SCRN1: variants seen among roughly 807,000 people sequenced by gnomAD.
The protein encoded by SCRN1 is secernin-1.
Under a neutral mutation model 43.3 loss-of-function variants are expected in SCRN1, and 19 were observed. The observed-to-expected ratio is 0.44, with a 90% CI of 0.31 to 0.64. The LOEUF (loss-of-function observed/expected upper bound fraction) is 0.64, where lower values mean the gene tolerates loss of function less well. SCRN1 is among the 30% of genes least tolerant of loss of function. The pLI is 0.09. For synonymous variants in SCRN1, 183 were observed against 188.9 expected (o/e 0.97, Z 0.26); for missense variants, 447 against 524.1 (o/e 0.85, Z 1.44).
intron 6 of SCRN1, among the ~76,000 whole-genome samples, 158 bp from the exon 7 acceptor site, chr7:29,926,790 T>A (rs1786977130): frequency 1.3e-5 from 2 of 152,156 alleles, no homozygotes; most frequent in African/African-American, 4.8e-5. Flanking sequence ...GAGACATAAC[T>A]GCATGTTTTA....
At position 29,944,050 on chromosome 7, in the gene SCRN1, A is replaced by G; in HGVS notation, c.471T>C (p.Tyr157=). 6.2e-7 allele frequency: 1 copy of G among 1,614,202 alleles called. No homozygotes were observed. The highest frequency in any genetic ancestry group is 8.5e-7 in the Non-Finnish European group (1 of 1,180,046). Residue 157 remains tyrosine, a synonymous_variant, in exon 4 of 8, where the codon TAT becomes TAC. Transcript: ENST00000242059. ...ANSCHSFQSA[Y]LIVDRDEAWV... The stretch of plus-strand genomic sequence containing the variant: ...AGGCTTCATCACGATCCACAATCAG[A>G]TATGCACTTTGGAAGCTGTGGCAGG...
chr7:29,967,799 C>T (rs1788544807), intron 2 of SCRN1, among the ~76,000 whole-genome samples: 1 of 151,944 alleles, frequency 6.6e-6, no homozygotes, highest in African/African-American at 2.4e-5. Flanking sequence ...CTGAAAACCC[C>T]AAGAAAAGCA....
chr7:29,969,770 T>G lies in SCRN1; in HGVS notation c.-1-702A>C, dbSNP rs188867176. On this transcript the variant is annotated intron_variant, in intron 1 of 7. Coordinates refer to ENST00000242059, the MANE Select transcript of SCRN1 (RefSeq NM_014766.5). Reference sequence around the variant, plus strand: ...GTTTCCCTTGTCAGTTACATGCTGATGACTTACACATTTAATTCCAGCTGG... The same window carrying G: ...GTTTCCCTTGTCAGTTACATGCTGAGGACTTACACATTTAATTCCAGCTGG... The G allele has an allele frequency of 1.4e-4, 65 of 455,270 alleles. 1 individual carries two copies. Among genetic ancestry groups the G allele is most frequent in the African/African-American group, 1.2e-3 (61 of 50,144 alleles). The allele number at this position is 455,270 out of a possible 1,614,324, so 28.2% of individuals were successfully genotyped here. A position where few individuals can be genotyped will look rare whatever the true frequency, so the allele number is the denominator to read the frequency against.
chr7:29,929,960 TAA>T (rs1316377496), intron 6 of SCRN1, among the ~76,000 whole-genome samples: 2 of 152,196 alleles, frequency 1.3e-5, no homozygotes, highest in African/African-American at 4.8e-5. Context: ...GGTGCTTTTC[TAA>T]GAGAAGAGAT....
At chr7:29,944,630 T>A (rs569961965) in intron 3 of SCRN1, among the ~76,000 whole-genome samples, 7 of 128,320 alleles carry the variant, frequency 5.5e-5, no homozygotes, top group Admixed American at 2.7e-4. Flanking sequence ...GCCACCACAC[T>A]CCAGTCTGGG....
chr7:29,986,841 C>T (rs1351112010), intron 1 of SCRN1, among the ~76,000 whole-genome samples: 3 of 151,104 alleles, frequency 2.0e-5, no homozygotes, highest in Non-Finnish European at 4.4e-5. Context: ...TCTCCTGCCT[C>T]AGCCTCCCAA....
chr7:29,928,198 C>G (rs1030529389), intron 6 of SCRN1, among the ~76,000 whole-genome samples: 15 of 152,118 alleles, frequency 9.9e-5, no homozygotes, highest in African/African-American at 3.1e-4. Context: ...GCCAATAACC[C>G]TTGCCAGCCA....
chr7:29,923,830 T>C lies in SCRN1; in HGVS notation c.*127A>G. ...GGTGGAACACAAGGTAACAGTTTGA[T>C]CTGGCTTCAGAAAAGGAGGCCACAT... On this transcript the variant is annotated 3_prime_UTR_variant, in exon 8 of 8. Coordinates refer to ENST00000242059, the MANE Select transcript of SCRN1 (RefSeq NM_014766.5). 1 of 1,013,338 alleles carries C rather than the reference T, an allele frequency of 9.9e-7. No homozygotes were observed. Among genetic ancestry groups the C allele is most frequent in the Non-Finnish European group, 1.5e-6 (1 of 682,278 alleles). 62.8% of individuals were successfully genotyped at this position (1,013,338 alleles called of 1,614,324 possible). A position where few individuals can be genotyped will look rare whatever the true frequency, so the allele number is the denominator to read the frequency against.
intron 6 of SCRN1, 78 bp from the exon 7 acceptor site, chr7:29,926,710 C>A: frequency 1.7e-4 from 164 of 938,742 alleles, no homozygotes; most frequent in East Asian, 3.8e-4. Context: ...TTTTATTCAG[C>A]AAACATTTCC....
chr7:29,937,245 C>T (rs1787370775), intron 5 of SCRN1, among the ~76,000 whole-genome samples: 2 of 152,176 alleles, frequency 1.3e-5, no homozygotes, highest in Admixed American at 6.5e-5. Context: ...TGTTGATCAA[C>T]AGGAGGTAAG....
At chr7:29,928,251 C>T (rs899957405) in intron 6 of SCRN1, among the ~76,000 whole-genome samples, 7 of 152,178 alleles carry the variant, frequency 4.6e-5, no homozygotes, top group African/African-American at 9.7e-5. Context: ...GCTGCAGAAC[C>T]TCAGGCCCCA....
At position 29,940,662 on chromosome 7, in the gene SCRN1, T is replaced by C. The variant is rs373701823; in HGVS notation, c.739+20A>G. On this transcript the variant is annotated intron_variant, in intron 5 of 7. Transcript: ENST00000242059. ...AGAAAGGGTATGAGAAGGAGAATCG[T>C]GAGGGAGAGACTAACTCACCTTCTT... 80 of 1,577,134 alleles carry C rather than the reference T, an allele frequency of 5.1e-5. No homozygotes were observed. The highest frequency in any genetic ancestry group is 6.3e-5 in the Non-Finnish European group (73 of 1,167,128).
At chr7:29,966,238 C>G (rs1471559849) in intron 2 of SCRN1, among the ~76,000 whole-genome samples, 1 of 149,762 alleles carries the variant, frequency 6.7e-6, no homozygotes, top group Non-Finnish European at 1.5e-5. Context: ...CCCTGGAAGT[C>G]ACATAGCATC....
At chr7:29,961,249 AG>A (rs1788299381) in intron 2 of SCRN1, among the ~76,000 whole-genome samples, 1 of 142,372 alleles carries the variant, frequency 7.0e-6, no homozygotes, top group Non-Finnish European at 1.5e-5. Flanking sequence ...TGATTACTTG[AG>A]ATTAGGGAGT....
At chr7:29,969,670 C>T (rs1038862436) in intron 1 of SCRN1, 2 of 387,458 alleles carry the variant, frequency 5.2e-6, no homozygotes, top group African/African-American at 4.2e-5. Context: ...CTGGCCAGTG[C>T]ACATCCTCAC....
At chr7:29,964,662 G>T (rs2128096561) in intron 2 of SCRN1, among the ~76,000 whole-genome samples, 1 of 152,186 alleles carries the variant, frequency 6.6e-6, no homozygotes, top group Non-Finnish European at 1.5e-5. Flanking sequence ...ACTGTATCAG[G>T]CCGGGCTCGG....
intron 3 of SCRN1, among the ~76,000 whole-genome samples, chr7:29,948,702 A>G (rs1212450505): frequency 6.6e-6 from 1 of 152,272 alleles, no homozygotes; most frequent in Non-Finnish European, 1.5e-5. Context: ...AGTTATGCAA[A>G]GGGAAGAAGA....
At position 29,958,131 on chromosome 7, in the gene SCRN1, C is replaced by T. The variant is rs372515011; in HGVS notation, c.160-2771G>A. On this transcript the variant is annotated intron_variant, in intron 2 of 7. Transcript: ENST00000242059. The stretch of plus-strand genomic sequence containing the variant: ...GGCAGCCAGATCCCTTCACAGGCCC[C>T]GAGCCTGGAACACATGCCCCTTGCT... Among the ~76,000 whole-genome samples the T allele has an allele frequency of 4.6e-5, 7 of 152,176 alleles. No homozygotes were observed. In the East Asian group the frequency reaches 5.8e-4, roughly 13 times the overall value.
intron 3 of SCRN1, among the ~76,000 whole-genome samples, chr7:29,947,526 T>C (rs1425636342): frequency 6.6e-6 from 1 of 152,200 alleles, no homozygotes; most frequent in Non-Finnish European, 1.5e-5. Flanking sequence ...ACAGCCCCCT[T>C]AGAAAGGTGG....
Sources: gnomAD v4.1 joint callset for allele counts (sites outside exome capture counted in the v4.1 genomes callset) on GRCh38, gnomAD v4.1.1 for gene constraint, MANE v1.5 for transcripts, NCBI Gene and HGNC (gene_info 2026-07-23, HGNC 2026-07-21) for gene names.